Variants in INTS4 observed in about 807,000 individuals in gnomAD.
INTS4 encodes the protein integrator complex subunit 4.
INTS4 carries 70 observed loss-of-function variants against 119.5 expected under a neutral mutation model. That is an observed-to-expected ratio of 0.59 (90% CI 0.48 to 0.71). The LOEUF is 0.71. Ranked by LOEUF, INTS4 falls within the 30% of genes least tolerant of loss-of-function variation. The pLI is 0.00. For synonymous variants in INTS4, 316 were observed against 419.6 expected, an observed-to-expected ratio of 0.75 and a Z score of 3.02; for missense variants, 867 against 1,173.2, an observed-to-expected ratio of 0.74 and a Z score of 3.81.
intron 15 of INTS4, among the ~76,000 whole-genome samples, chr11:77,913,502 G>A (rs1953135344): frequency 2.0e-5 from 3 of 151,862 alleles, no homozygotes; most frequent in Admixed American, 6.6e-5. Context: ...TAGTAGAGAT[G>A]GGGTTTCATC....
At chr11:77,877,263 A>G (rs913023628), downstream of INTS4, among the ~76,000 whole-genome samples, 2 of 152,194 alleles carry the variant, frequency 1.3e-5, no homozygotes, top group African/African-American at 4.8e-5. Context: ...GAGTTAATTA[A>G]TTAATGTAAA....
At chr11:77,898,541 T>A (rs1269093943) in intron 18 of INTS4, among the ~76,000 whole-genome samples, 2 of 152,256 alleles carry the variant, frequency 1.3e-5, no homozygotes, top group Non-Finnish European at 2.9e-5. Context: ...ATCATGTTTA[T>A]CTATTAGATC....
At chr11:77,961,862 C>T (rs765634830) in intron 4 of INTS4, among the ~76,000 whole-genome samples, 2 of 152,092 alleles carry the variant, frequency 1.3e-5, no homozygotes, top group Non-Finnish European at 2.9e-5. Context: ...TTAGCCTTTC[C>T]GTTGATGAAT....
intron 22 of INTS4, 108 bp downstream of exon 22, chr11:77,883,724 G>T: frequency 8.5e-7 from 1 of 1,182,844 alleles, no homozygotes. Flanking sequence ...TTCTTACAAG[G>T]CCTGATTCAT....
chr11:77,965,472 C>T (rs1855462737), intron 4 of INTS4, among the ~76,000 whole-genome samples: 1 of 152,164 alleles, frequency 6.6e-6, no homozygotes, highest in Non-Finnish European at 1.5e-5. Context: ...CTTTGATCAG[C>T]AACTCCCCCC....
intron 21 of INTS4, among the ~76,000 whole-genome samples, chr11:77,889,397 G>T (rs1952163231): frequency 6.7e-6 from 1 of 150,350 alleles, no homozygotes; most frequent in African/African-American, 2.5e-5. Context: ...GGACTGTTGT[G>T]GGGTAGGGGG....
chr11:77,924,460 T>C (rs1318933215), intron 12 of INTS4: 2 of 270,092 alleles, frequency 7.4e-6, no homozygotes, highest in Admixed American at 5.1e-5. Flanking sequence ...CTAATTAATT[T>C]ATTTCTATAC....
chr11:77,981,692 T>C, intron 2 of INTS4, 116 bp from the exon 3 acceptor site: 2 of 455,598 alleles, frequency 4.4e-6, no homozygotes, highest in Admixed American at 3.3e-5. Context: ...TTCTATGGCA[T>C]CATTTCTGAA....
intron 18 of INTS4, among the ~76,000 whole-genome samples, chr11:77,895,527 GAAAAAAAAAAAAAA>G (rs71046921): frequency 1.8e-4 from 7 of 39,232 alleles, no homozygotes; most frequent in South Asian, 2.9e-3. Flanking sequence ...TTCTTTTCCT[GAAAAAAAAAAAAAA>G]AAAAAAAAAA....
intron 16 of INTS4, among the ~76,000 whole-genome samples, chr11:77,906,573 G>T (rs1280618097): frequency 6.6e-6 from 1 of 152,208 alleles, no homozygotes; most frequent in Non-Finnish European, 1.5e-5. Flanking sequence ...TTGGAGTGAT[G>T]AAAATGTTCT....
Position 77,938,782 on chromosome 11 carries a change from G to A in INTS4, c.1034C>T (p.Ser345Leu), listed in dbSNP as rs151018256. 871 of 1,611,872 alleles carry A rather than the reference G, an allele frequency of 5.4e-4. 1 individual carries two copies. The highest frequency in any genetic ancestry group is 8.4e-4 in the South Asian group (76 of 90,974). The change falls in exon 10 of 23, where the codon TCG becomes TTG. Residue 345 changes from serine (S) to leucine (L), a missense_variant. This residue lies in a region of INTS4 where 208 missense variants were observed against 306.6 expected (regional missense o/e 0.68). Transcript: ENST00000534064. The stretch of plus-strand genomic sequence containing the variant: ...CTTTCTGCCACTGGAAAACTCCCCC[G>A]AACTGTAAAGTTCCTTGGCACGCTC... ...AHERAKELYSSGEFSSGRKWG... is the reference protein window; with the variant it reads ...AHERAKELYSLGEFSSGRKWG...
chr11:77,983,864 G>A (rs779602681), intron 2 of INTS4, among the ~76,000 whole-genome samples: 3 of 152,078 alleles, frequency 2.0e-5, no homozygotes, highest in Non-Finnish European at 4.4e-5. Flanking sequence ...ATATGATCCA[G>A]CAATTCCACT....
intron 15 of INTS4, among the ~76,000 whole-genome samples, chr11:77,909,962 T>C (rs1953050962): frequency 6.6e-6 from 1 of 152,102 alleles, no homozygotes; most frequent in Non-Finnish European, 1.5e-5. Flanking sequence ...GGAGAGGATG[T>C]GGAGAAATAG....
At position 77,991,210 on chromosome 11, in the gene INTS4, G is replaced by C; in HGVS notation, c.144C>G (p.Ser48=). The C allele has an allele frequency of 6.2e-7, 1 of 1,614,160 alleles. No homozygotes were observed. Among genetic ancestry groups the C allele is most frequent in the African/African-American group, 1.3e-5 (1 of 75,042 alleles). The change falls in exon 2 of 23, where the codon TCC becomes TCG. Residue 48 remains serine, a synonymous_variant. Coordinates refer to ENST00000534064, the MANE Select transcript of INTS4 (RefSeq NM_033547.4). ...ALHIDLCKAT[S]PADALQYLLQ... ...GCAAGTATTGCAAAGCATCTGCTGG[G>C]GAGGTAGCTTTACACAGATCTATGT...
chr11:77,948,588 A>G (rs1954104771), intron 8 of INTS4, among the ~76,000 whole-genome samples: 1 of 149,614 alleles, frequency 6.7e-6, no homozygotes, highest in Admixed American at 6.7e-5. Context: ...TGAAGGTTGC[A>G]GTGAGTTGAG....
At chr11:77,895,546 A>AC (rs1952480409) in intron 18 of INTS4, among the ~76,000 whole-genome samples, 1 of 148,056 alleles carries the variant, frequency 6.8e-6, no homozygotes, top group Non-Finnish European at 1.5e-5. Context: ...AAAAAAAAAA[A>AC]AAAAAAAAAA....
Position 77,961,153 on chromosome 11 carries a change from A to AAAAAAAAG in INTS4, c.472-23_472-16dup, listed in dbSNP as rs748719694. 2.1e-4 allele frequency: 324 copies of AAAAAAAAG among 1,544,072 alleles called. 9 individuals carry two copies. In the South Asian group the frequency reaches 3.9e-3, roughly 19 times the overall value. On this transcript the variant is annotated splice_polypyrimidine_tract_variant and intron_variant, in intron 4 of 22. Coordinates refer to ENST00000534064, the MANE Select transcript of INTS4 (RefSeq NM_033547.4). The stretch of plus-strand genomic sequence containing the variant: ...TCTGTCAGATGCTATTAAAAAAAAA[A>AAAAAAAAG]AAAAAAAGAAAAAAAGAAAAAGAAA...
intron 3 of INTS4, among the ~76,000 whole-genome samples, chr11:77,981,007 T>G (rs1459734992): frequency 2.0e-5 from 3 of 151,630 alleles, no homozygotes; most frequent in African/African-American, 7.3e-5. Context: ...AAAAAAAGTT[T>G]CTTGATGGAA....
chr11:77,990,146 G>C (rs981394636), intron 2 of INTS4, among the ~76,000 whole-genome samples: 1 of 149,820 alleles, frequency 6.7e-6, no homozygotes, highest in Non-Finnish European at 1.5e-5. Flanking sequence ...TTAAACCAAA[G>C]AGACGGAGGT....
Sources: allele counts gnomAD v4.1 joint callset (sites outside exome capture counted in the v4.1 genomes callset), GRCh38; gene constraint gnomAD v4.1.1; regional missense constraint gnomAD v4.1.1; transcripts MANE v1.5; gene names NCBI Gene and HGNC (gene_info 2026-07-23, HGNC 2026-07-21).